The following LSS variants were observed in gnomAD, a reference collection of about 807,000 sequenced individuals.
LSS encodes the protein lanosterol synthase.
In LSS, 90 loss-of-function variants were observed where a neutral mutation model predicts 110.3. The ratio of observed to expected loss-of-function variants is 0.82; its 90% CI spans 0.69 to 0.97. The LOEUF (loss-of-function observed/expected upper bound fraction) is 0.97. Among genes scored for constraint, LSS ranks in the 50% least tolerant of loss-of-function variants. The probability of loss-of-function intolerance (pLI) is 0.00; values close to 1 mark genes in which losing one functional copy is unlikely to be tolerated. For missense variants in LSS, 927 were observed against 990.0 expected (o/e 0.94, Z 0.85); for synonymous variants, 433 against 400.0 (o/e 1.08, Z -0.98).
intron 17 of LSS, among the ~76,000 whole-genome samples, chr21:46,200,306 A>T (rs1414209824): frequency 6.6e-6 from 1 of 152,256 alleles, no homozygotes; most frequent in African/African-American, 2.4e-5. Context: ...TTCAGGCAAG[A>T]ATCATCATCA....
In LSS at chr21:46,190,128, C is replaced by G; in HGVS notation, c.*976G>C. ...CCAGGGTGCCATACCTGCCAGCCAG[C>G]CCAGGGAGTGGTGATGGGCTGGGTG... On this transcript the variant is annotated 3_prime_UTR_variant, in exon 22 of 22. Coordinates refer to ENST00000397728, the MANE Select transcript of LSS (RefSeq NM_002340.6). This position sits in a 1 kb window ranked among gnomAD's most constrained non-coding sequence, Gnocchi z 4.6. The G allele has an allele frequency of 4.4e-6, 1 of 229,466 alleles. No individual in the cohort carries two copies. Among genetic ancestry groups the G allele is most frequent in the Non-Finnish European group, 8.7e-6 (1 of 114,794 alleles). 14.2% of individuals were successfully genotyped at this position (229,466 alleles called of 1,614,324 possible).
chr21:46,221,164 T>C (rs1569035766), intron 5 of LSS, among the ~76,000 whole-genome samples: 1 of 127,102 alleles, frequency 7.9e-6, no homozygotes, highest in Non-Finnish European at 1.7e-5. Context: ...CTTGGAGAGG[T>C]GGACAGCCCC....
At chr21:46,220,870 T>C (rs376017821) in intron 5 of LSS, among the ~76,000 whole-genome samples, 115 of 142,570 alleles carry the variant, frequency 8.1e-4, no homozygotes, top group Middle Eastern at 4.0e-3. Flanking sequence ...AGGCCAGGGC[T>C]TGGAGAGAAA....
chr21:46,194,052 G>C (rs2079871993), intron 20 of LSS, among the ~76,000 whole-genome samples: 1 of 152,122 alleles, frequency 6.6e-6, no homozygotes, highest in South Asian at 2.1e-4. Flanking sequence ...ACTGATGCCT[G>C]CCTGCATGCG....
rs554280718 is a variant in LSS at position 46,215,601 on chromosome 21, G to A, written c.892+84C>T. ...ACAGAGGAGGTGGCCCAGTGCCGCT[G>A]GCAGGGGATGAGTGCGTGAATGAGT... On this transcript the variant is annotated intron_variant, in intron 8 of 21. Transcript: ENST00000397728. 15 of 958,898 alleles carry A rather than the reference G, an allele frequency of 1.6e-5. No individual in the cohort carries two copies. The African/African-American group carries it at 2.5e-4, about 16-fold the overall frequency. 59.4% of individuals were successfully genotyped at this position (958,898 alleles called of 1,614,324 possible).
chr21:46,193,200 G>A, intron 20 of LSS: 2 of 441,760 alleles, frequency 4.5e-6, no homozygotes, highest in Non-Finnish European at 9.0e-6. Context: ...GCACAGATGG[G>A]ATGCTGTGGG....
At position 46,221,863 on chromosome 21, in the gene LSS, G is replaced by A; in HGVS notation, c.541C>T (p.His181Tyr). The A allele has an allele frequency of 1.2e-6, 2 of 1,614,110 alleles. No homozygotes were observed. Among genetic ancestry groups the A allele is most frequent in the Admixed American group, 1.7e-5 (1 of 60,024 alleles). ...GCTGCACATGCCGTACCTTTCTTGT[G>A]AAGAATGTTCCGGGCTCGTACCAGG... Reference protein sequence around the residue: ...PDLVRARNILHKKGGAVAIPS... With the variant: ...PDLVRARNILYKKGGAVAIPS... Residue 181 changes from histidine to tyrosine, a missense_variant, in exon 5 of 22, where the codon CAC (histidine) becomes TAC (tyrosine). Transcript: ENST00000397728.
At chr21:46,227,421 G>C in intron 3 of LSS, 131 bp downstream of exon 3, 1 of 1,176,372 alleles carries the variant, frequency 8.5e-7, no homozygotes, top group Non-Finnish European at 1.2e-6. Context: ...ATAGGGCAGA[G>C]TTTGCCAGCC....
chr21:46,219,639 T>G, intron 5 of LSS, 67 bp from the exon 6 acceptor site: 2 of 1,027,576 alleles, frequency 1.9e-6, no homozygotes, highest in South Asian at 3.4e-5. Flanking sequence ...TGCCTCTAGC[T>G]GGGAAGCTTC....
chr21:46,210,665 A>G, intron 12 of LSS, 23 bp downstream of exon 12: 1 of 1,613,090 alleles, frequency 6.2e-7, no homozygotes, highest in African/African-American at 1.3e-5. Context: ...GCTGAGGCTG[A>G]GAAAAGAGAA....
At chr21:46,227,290 C>T (rs931080472) in intron 3 of LSS, 13 of 461,506 alleles carry the variant, frequency 2.8e-5, no homozygotes, top group East Asian at 6.9e-5. Context: ...AGCCCACCTT[C>T]CTCCTCCCTC....
chr21:46,226,849 T>A (rs1027689005), intron 3 of LSS, among the ~76,000 whole-genome samples: 15 of 151,300 alleles, frequency 9.9e-5, no homozygotes, highest in African/African-American at 3.7e-4. Flanking sequence ...ATAAGGACTT[T>A]CTATCTATTA....
At chr21:46,203,635 C>T (rs1233000248) in intron 17 of LSS, among the ~76,000 whole-genome samples, 1 of 152,252 alleles carries the variant, frequency 6.6e-6, no homozygotes, top group African/African-American at 2.4e-5. Flanking sequence ...ACGCCCACCT[C>T]ATGCCGCAGA....
intron 3 of LSS, among the ~76,000 whole-genome samples, chr21:46,225,019 G>A: frequency 6.6e-6 from 1 of 152,162 alleles, no homozygotes. Flanking sequence ...GAGAGGCTGT[G>A]GGTGGCAAGC....
rs1395401091 is a variant in LSS at position 46,189,702 on chromosome 21, CA to C, written c.*1401del. The C allele has an allele frequency of 1.1e-5, 5 of 456,648 alleles. No homozygotes were observed. Among genetic ancestry groups the C allele is most frequent in the Non-Finnish European group, 1.8e-5 (4 of 226,948 alleles). 28.3% of individuals were successfully genotyped at this position (456,648 alleles called of 1,614,324 possible). ...CACTGCCTGAGGGAGAGTGATCAGCCAGGGGGAGAGGCCAGGGACTGCTACC... is the reference window on the plus strand; with the variant it reads ...CACTGCCTGAGGGAGAGTGATCAGCCGGGGGAGAGGCCAGGGACTGCTACC... On this transcript the variant is annotated 3_prime_UTR_variant, in exon 22 of 22. Transcript: ENST00000397728.
At position 46,197,721 on chromosome 21, in the gene LSS, C is replaced by A. The variant is rs1193503444; in HGVS notation, c.1671-1454G>T. On this transcript the variant is annotated intron_variant, in intron 17 of 21. Transcript: ENST00000397728. The stretch of plus-strand genomic sequence containing the variant: ...TGGCTAACATGGTGAAACCCCGTCT[C>A]TACTAAAAATACAAAAAATTAGCTG... 2.0e-5 allele frequency among the ~76,000 whole-genome samples: 3 copies of A among 152,044 alleles called. No individual in the cohort carries two copies. The East Asian group carries it at 5.8e-4, about 29-fold the overall frequency.
At chr21:46,217,084 T>C (rs974183066) in intron 6 of LSS, among the ~76,000 whole-genome samples, 1 of 151,590 alleles carries the variant, frequency 6.6e-6, no homozygotes, top group Non-Finnish European at 1.5e-5. Flanking sequence ...CCATCTCTAC[T>C]AAAAATACAA....
In LSS at chr21:46,188,736, A is replaced by G. The variant is rs994609748; in HGVS notation, c.*2368T>C. 1 of 471,120 alleles carries G rather than the reference A, an allele frequency of 2.1e-6. No homozygotes were observed. The highest frequency in any genetic ancestry group is 2.0e-5 in the African/African-American group (1 of 50,088). The allele number at this position is 471,120 out of a possible 1,614,324, so 29.2% of individuals were successfully genotyped here. Reference sequence around the variant, plus strand: ...AGATGTGATTTCTAAAGAAGACTGAAGGCAGGGATACTGACACTGAAGTCC... The same window carrying G: ...AGATGTGATTTCTAAAGAAGACTGAGGGCAGGGATACTGACACTGAAGTCC... On this transcript the variant is annotated 3_prime_UTR_variant, in exon 22 of 22. Transcript: ENST00000397728.
In LSS at chr21:46,191,042, C is replaced by A; in HGVS notation, c.*62G>T. ...CAGGGTTATGGGAGGGCTCCCCAACCCGGCCAGGACCCCTTGGCCTCACTG... is the reference window on the plus strand; with the variant it reads ...CAGGGTTATGGGAGGGCTCCCCAACACGGCCAGGACCCCTTGGCCTCACTG... On this transcript the variant is annotated 3_prime_UTR_variant, in exon 22 of 22. Transcript: ENST00000397728. 1 of 1,598,106 alleles carries A rather than the reference C, an allele frequency of 6.3e-7. No individual in the cohort carries two copies. Among genetic ancestry groups the A allele is most frequent in the South Asian group, 1.1e-5 (1 of 90,076 alleles).
Sources: allele counts gnomAD v4.1 joint callset (sites outside exome capture counted in the v4.1 genomes callset), GRCh38; gene constraint gnomAD v4.1.1; non-coding constraint Gnocchi (gnomAD v3.1); transcripts MANE v1.5; gene names NCBI Gene and HGNC (gene_info 2026-07-23, HGNC 2026-07-21).